Variants in VPS35L observed in about 807,000 individuals in gnomAD.
The protein encoded by VPS35L is VPS35 endosomal protein-sorting factor-like.
A neutral mutation model predicts 133.0 loss-of-function variants in VPS35L; 83 were observed. The observed-to-expected ratio is 0.62, with a 90% CI of 0.52 to 0.75. The LOEUF (loss-of-function observed/expected upper bound fraction) is 0.75, where lower values mean the gene tolerates loss of function less well. Among genes scored for constraint, VPS35L ranks in the 30% least tolerant of loss-of-function variants. The pLI, the probability that VPS35L is intolerant of heterozygous loss-of-function variation, is 0.00. For missense variants in VPS35L, 1,083 were observed against 1,206.8 expected, an observed-to-expected ratio of 0.90 and a Z score of 1.52; for synonymous variants, 423 against 449.9, an observed-to-expected ratio of 0.94 and a Z score of 0.76.
rs746856456 is a variant in VPS35L, at chr16:19,608,217, A to G, written c.824A>G (p.Glu275Gly). The change falls in exon 10 of 31, where the codon GAA becomes GGA. Residue 275 changes from glutamate (E) to glycine (G), a missense_variant. Glu to Gly is a moderately conservative substitution (Grantham distance 98, BLOSUM62 -2). Coordinates refer to ENST00000417362, the MANE Select transcript of VPS35L (RefSeq NM_020314.7). ...GAGAATGCAAATGACACGGCCAAGG[A>G]AACATGCCTAAATTGGTTTTTCAAG... The part of the protein sequence containing the change: ...SPENANDTAK[E>G]TCLNWFFKIA... 2.3e-5 allele frequency: 37 copies of G among 1,613,526 alleles called. No individual in the cohort carries two copies. The highest frequency in any genetic ancestry group is 2.8e-5 in the Non-Finnish European group (33 of 1,179,776).
At chr16:19,575,591 G>C (rs1971505631) in intron 5 of VPS35L, among the ~76,000 whole-genome samples, 1 of 146,674 alleles carries the variant, frequency 6.8e-6, no homozygotes, top group African/African-American at 2.5e-5. Context: ...AGCCGGGCAC[G>C]GTGGCTCACC....
At chr16:19,695,244 A>G (rs182188450) in intron 29 of VPS35L, among the ~76,000 whole-genome samples, 83 of 152,334 alleles carry the variant, frequency 5.4e-4, no homozygotes, top group African/African-American at 1.8e-3. Context: ...CTTCATACCG[A>G]GGCAATAGGC....
In VPS35L at chr16:19,603,485, A is replaced by C. The variant is rs148869787; in HGVS notation, c.784+1762A>C. On this transcript the variant is annotated intron_variant, in intron 9 of 30. Transcript: ENST00000417362. ...AAACGGTATTCTGGATGAATCGGGT[A>C]AAGTACATGATTAAAATTAATTTCC... 3.5e-3 allele frequency among the ~76,000 whole-genome samples: 531 copies of C among 152,308 alleles called. 5 individuals are homozygous for C. The highest frequency in any genetic ancestry group is 6.5e-3 in the Non-Finnish European group (445 of 68,038).
chr16:19,588,263 T>G (rs1410124722), intron 7 of VPS35L, among the ~76,000 whole-genome samples: 2 of 152,072 alleles, frequency 1.3e-5, no homozygotes, highest in Admixed American at 1.3e-4. Context: ...CTCGGCTCAC[T>G]GAAACCTTCA....
intron 27 of VPS35L, among the ~76,000 whole-genome samples, chr16:19,681,799 G>A (rs1307674086): frequency 1.3e-5 from 2 of 152,112 alleles, no homozygotes; most frequent in East Asian, 3.9e-4. Flanking sequence ...TCATCCGGGG[G>A]CTCACCCAGC....
intron 29 of VPS35L, among the ~76,000 whole-genome samples, chr16:19,696,218 C>G (rs2151630950): frequency 6.6e-6 from 1 of 152,278 alleles, no homozygotes. Flanking sequence ...TGAAGTTCAG[C>G]TCAACAGCCA....
chr16:19,620,129 A>G (rs1973030593), intron 14 of VPS35L, among the ~76,000 whole-genome samples: 1 of 152,228 alleles, frequency 6.6e-6, no homozygotes, highest in Non-Finnish European at 1.5e-5. Flanking sequence ...CTGCCATAAT[A>G]AAGCGCCATA....
chr16:19,586,629 C>T (rs533642693), intron 7 of VPS35L, among the ~76,000 whole-genome samples: 13 of 152,268 alleles, frequency 8.5e-5, no homozygotes, highest in Middle Eastern at 6.8e-3. Context: ...CGTGAGCCAC[C>T]GTGCCCAGTC....
At chr16:19,678,790 TAA>T (rs933749095) in intron 27 of VPS35L, among the ~76,000 whole-genome samples, 1 of 145,560 alleles carries the variant, frequency 6.9e-6, no homozygotes. Context: ...TCAGTACAAT[TAA>T]AAAAAAAAAA....
In VPS35L at chr16:19,573,188, A is replaced by C. The variant is rs373505689; in HGVS notation, c.355A>C (p.Asn119His). 13 of 1,613,900 alleles carry C rather than the reference A, an allele frequency of 8.1e-6. No individual in the cohort carries two copies. The highest frequency in any genetic ancestry group is 1.1e-5 in the Non-Finnish European group (13 of 1,179,932). ...VVGSDFEPWTNKRGEILARYT... is the reference protein window; with the variant it reads ...VVGSDFEPWTHKRGEILARYT... ...AGGATCGGATTTTGAGCCTTGGACCAACAAACGGGGAGAAATCCTTGCCCG... is the reference window on the plus strand; with the variant it reads ...AGGATCGGATTTTGAGCCTTGGACCCACAAACGGGGAGAAATCCTTGCCCG... The change falls in exon 4 of 31, where the codon AAC (asparagine) becomes CAC (histidine). Residue 119 changes from asparagine to histidine, a missense_variant. Transcript: ENST00000417362.
chr16:19,667,250 C>T (rs923674036), intron 26 of VPS35L, among the ~76,000 whole-genome samples: 9 of 152,188 alleles, frequency 5.9e-5, no homozygotes, highest in Non-Finnish European at 1.2e-4. Flanking sequence ...GCGTGAGCTA[C>T]CGTACCTGGT....
chr16:19,564,811 A>AC (rs1273417096), intron 1 of VPS35L, 40 bp from the exon 2 acceptor site: 2 of 1,403,818 alleles, frequency 1.4e-6, no homozygotes, highest in South Asian at 2.3e-5. Flanking sequence ...TGTTTTAAGT[A>AC]CCCCCATCCA....
intron 14 of VPS35L, among the ~76,000 whole-genome samples, chr16:19,619,567 T>G (rs1973011392): frequency 6.6e-6 from 1 of 152,128 alleles, no homozygotes; most frequent in African/African-American, 2.4e-5. Context: ...AACGCTTTTT[T>G]TTTCTTATTT....
chr16:19,686,033 A>G (rs1415420440), intron 28 of VPS35L, among the ~76,000 whole-genome samples: 4 of 152,218 alleles, frequency 2.6e-5, no homozygotes, highest in Non-Finnish European at 5.9e-5. Context: ...TTGATAGGCA[A>G]GAGTGTAGTT....
rs755071858 is a variant in VPS35L at position 19,564,842 on chromosome 16, G to C, written c.18-9G>C. 3 of 1,609,362 alleles carry C rather than the reference G, an allele frequency of 1.9e-6. No homozygotes were observed. The African/African-American group carries it at 4.0e-5, about 22-fold the overall frequency. Reference sequence around the variant, plus strand: ...ATCCACTAATTGGCTGTGTTTCGCTGTTTACCAGGCACTCCAGGAATAGGA... The same window carrying C: ...ATCCACTAATTGGCTGTGTTTCGCTCTTTACCAGGCACTCCAGGAATAGGA... On this transcript the variant is annotated splice_polypyrimidine_tract_variant and intron_variant, in intron 1 of 30. Coordinates refer to ENST00000417362, the MANE Select transcript of VPS35L (RefSeq NM_020314.7).
chr16:19,681,825 C>T (rs911618407), intron 27 of VPS35L, among the ~76,000 whole-genome samples: 6 of 152,122 alleles, frequency 3.9e-5, no homozygotes, highest in East Asian at 3.9e-4. Context: ...TGGCTTCTAC[C>T]GTTCCATCTG....
At chr16:19,663,340 T>C (rs114234523) in intron 26 of VPS35L, among the ~76,000 whole-genome samples, 1,562 of 152,242 alleles carry the variant, frequency 0.01, 30 homozygotes, top group African/African-American at 0.036. Context: ...GACAGTAGCC[T>C]ATCAGTAAGT....
At chr16:19,682,736 C>A (rs1379222984) in intron 28 of VPS35L, among the ~76,000 whole-genome samples, 1 of 152,160 alleles carries the variant, frequency 6.6e-6, no homozygotes, top group Admixed American at 6.5e-5. Context: ...ATGGTGCACC[C>A]CTGTAATCCC....
chr16:19,640,750 T>A (rs1444903421), intron 21 of VPS35L, among the ~76,000 whole-genome samples: 1 of 152,194 alleles, frequency 6.6e-6, no homozygotes, highest in Non-Finnish European at 1.5e-5. Flanking sequence ...AAAAGGTGTT[T>A]TTGTTTTTGT....
Sources: gnomAD v4.1 joint callset for allele counts (sites outside exome capture counted in the v4.1 genomes callset) on GRCh38, gnomAD v4.1.1 for gene constraint, MANE v1.5 for transcripts, NCBI Gene and HGNC (gene_info 2026-07-23, HGNC 2026-07-21) for gene names.